DIS3L2: variants seen among roughly 807,000 people sequenced by gnomAD.
The protein encoded by DIS3L2 is DIS3 like 3'-5' exoribonuclease 2, also known as DIS3-like exonuclease 2.
In DIS3L2, 34 loss-of-function variants were observed where a neutral mutation model predicts 97.5. The ratio of observed to expected loss-of-function variants is 0.35; its 90% CI spans 0.27 to 0.46. The LOEUF is 0.46. Ranked by LOEUF, DIS3L2 falls within the 20% of genes least tolerant of loss-of-function variation. DIS3L2 has a pLI of 1.00. For synonymous variants in DIS3L2, 435 were observed against 445.2 expected, an observed-to-expected ratio of 0.98 and a Z score of 0.29; for missense variants, 1,038 against 1,146.0, an observed-to-expected ratio of 0.91 and a Z score of 1.36.
At chr2:232,042,240 G>T (rs1445604431) in intron 5 of DIS3L2, among the ~76,000 whole-genome samples, 6 of 151,964 alleles carry the variant, frequency 3.9e-5, no homozygotes, top group African/African-American at 1.5e-4. Context: ...CATGAAATTG[G>T]TCTAGTACAG....
intron 6 of DIS3L2, among the ~76,000 whole-genome samples, chr2:232,098,557 T>C (rs1697098937): frequency 6.6e-6 from 1 of 152,186 alleles, no homozygotes; most frequent in Admixed American, 6.5e-5. Flanking sequence ...TTTCACCATG[T>C]TGGCCAAGCT....
intron 5 of DIS3L2, among the ~76,000 whole-genome samples, chr2:232,082,137 T>C (rs970960147): frequency 2.3e-4 from 35 of 152,164 alleles, no homozygotes; most frequent in Admixed American, 2.2e-3. Flanking sequence ...GGTTAGAGAG[T>C]ACACAGGTTT....
At chr2:232,287,385 C>CCT (rs1694465032) in intron 13 of DIS3L2, among the ~76,000 whole-genome samples, 5 of 23,396 alleles carry the variant, frequency 2.1e-4, no homozygotes, top group South Asian at 3.0e-3. Flanking sequence ...TCCTTCCCCC[C>CCT]GCGCCCCCCC....
At chr2:232,330,057 A>T (rs1695691559) in intron 15 of DIS3L2, 61 bp downstream of exon 15, 5 of 1,546,736 alleles carry the variant, frequency 3.2e-6, no homozygotes, top group Non-Finnish European at 4.4e-6. Flanking sequence ...AAAGACCTGG[A>T]AGGTGGGGTG....
chr2:231,966,325 C>G (rs893058861), intron 1 of DIS3L2, among the ~76,000 whole-genome samples: 1 of 151,870 alleles, frequency 6.6e-6, no homozygotes, highest in African/African-American at 2.4e-5. Context: ...CACGCCACCA[C>G]GCCTGGCTAA....
intron 6 of DIS3L2, among the ~76,000 whole-genome samples, chr2:232,096,550 C>G (rs1275082951): frequency 6.6e-6 from 1 of 152,110 alleles, no homozygotes; most frequent in East Asian, 1.9e-4. Context: ...AAGCCAATAA[C>G]TCGTAGGTTT....
At chr2:232,069,504 T>A (rs1695950229) in intron 5 of DIS3L2, among the ~76,000 whole-genome samples, 1 of 152,188 alleles carries the variant, frequency 6.6e-6, no homozygotes, top group Middle Eastern at 3.2e-3. Context: ...TCTTTACTAG[T>A]GTTGAAAAAT....
In DIS3L2 at chr2:232,189,112, A is replaced by G. The variant is rs956721543; in HGVS notation, c.1125-21214A>G. On this transcript the variant is annotated intron_variant, in intron 9 of 20. Transcript: ENST00000325385. ...CAAGTGCTGGCGAGGGTGCAGAGAA[A>G]GTGGATCACTCAAACGTTGCCGGTG... 5.9e-5 allele frequency among the ~76,000 whole-genome samples: 9 copies of G among 152,350 alleles called. No homozygotes were observed. The South Asian group carries it at 8.3e-4, about 14-fold the overall frequency.
chr2:232,025,284 A>C (rs968230808), intron 4 of DIS3L2, among the ~76,000 whole-genome samples: 1 of 152,102 alleles, frequency 6.6e-6, no homozygotes, highest in Admixed American at 6.6e-5. Context: ...CTGAAATCCA[A>C]AATGCTCCAG....
intron 8 of DIS3L2, 153 bp downstream of exon 8, chr2:232,136,872 T>C (rs1448712554): frequency 1.1e-6 from 1 of 950,684 alleles, no homozygotes; most frequent in African/African-American, 1.7e-5. Context: ...AAGTCACTCT[T>C]AGCTGCCACC....
At chr2:232,019,309 T>C (rs1694445386) in intron 3 of DIS3L2, among the ~76,000 whole-genome samples, 1 of 152,144 alleles carries the variant, frequency 6.6e-6, no homozygotes, top group Admixed American at 6.5e-5. Context: ...CCCAGCACTT[T>C]AGAAGGCTAG....
At position 232,055,414 on chromosome 2, in the gene DIS3L2, T is replaced by C. The variant is rs140626202; in HGVS notation, c.366+25334T>C. On this transcript the variant is annotated intron_variant, in intron 5 of 20. Coordinates refer to ENST00000325385, the MANE Select transcript of DIS3L2 (RefSeq NM_152383.5). ...CAACAAAGAAAAAATGTTACCCTTA[T>C]GTTAGCATGTAAAAAAGAGTTTTCA... Among the ~76,000 whole-genome samples, 825 of 152,342 alleles carry C rather than the reference T, an allele frequency of 5.4e-3. 5 individuals carry two copies. Among genetic ancestry groups the C allele is most frequent in the African/African-American group, 0.017 (719 of 41,564 alleles).
chr2:232,110,403 T>C (rs1351302947), intron 6 of DIS3L2, among the ~76,000 whole-genome samples: 2 of 152,140 alleles, frequency 1.3e-5, no homozygotes, highest in Non-Finnish European at 2.9e-5. Context: ...CGTATGTTCA[T>C]TGGAGCACTA....
At chr2:232,332,838 C>A (rs1216585060) in intron 16 of DIS3L2, among the ~76,000 whole-genome samples, 5 of 152,284 alleles carry the variant, frequency 3.3e-5, no homozygotes, top group African/African-American at 1.2e-4. Context: ...TGGGCGGGAT[C>A]AGTGCCAGAG....
intron 9 of DIS3L2, among the ~76,000 whole-genome samples, chr2:232,207,412 A>C (rs1692058774): frequency 6.6e-6 from 1 of 152,184 alleles, no homozygotes; most frequent in Non-Finnish European, 1.5e-5. Flanking sequence ...AACATGTCTG[A>C]GGTGCAGCCT....
intron 10 of DIS3L2, among the ~76,000 whole-genome samples, chr2:232,218,286 T>A (rs1692400573): frequency 6.6e-6 from 1 of 152,154 alleles, no homozygotes; most frequent in Non-Finnish European, 1.5e-5. Context: ...CATGTGCACA[T>A]CACAGATAGT....
At chr2:232,170,170 T>TA (rs916043398) in intron 9 of DIS3L2, among the ~76,000 whole-genome samples, 1 of 152,142 alleles carries the variant, frequency 6.6e-6, no homozygotes, top group African/African-American at 2.4e-5. Flanking sequence ...GGAAACTGCT[T>TA]AAAGGGGGGT....
intron 6 of DIS3L2, among the ~76,000 whole-genome samples, chr2:232,112,791 G>A (rs994743601): frequency 2.6e-5 from 4 of 152,154 alleles, no homozygotes; most frequent in South Asian, 2.1e-4. Flanking sequence ...ATTCAGAGAG[G>A]AAGGGGGACA....
Position 232,204,564 on chromosome 2 carries a change from C to A in DIS3L2, c.1125-5762C>A, listed in dbSNP as rs140091877. 5.9e-5 allele frequency among the ~76,000 whole-genome samples: 9 copies of A among 152,162 alleles called. No homozygotes were observed. In the South Asian group the frequency reaches 1.2e-3, roughly 21 times the overall value. ...CTGGAGTCTCATTCTTTCCCTCCCC[C>A]ACCTGGCACTGTATTTTCTGCGGGT... On this transcript the variant is annotated intron_variant, in intron 9 of 20. Coordinates refer to ENST00000325385, the MANE Select transcript of DIS3L2 (RefSeq NM_152383.5).
Sources: gnomAD v4.1 joint callset for allele counts (sites outside exome capture counted in the v4.1 genomes callset) on GRCh38, gnomAD v4.1.1 for gene constraint, MANE v1.5 for transcripts, NCBI Gene and HGNC (gene_info 2026-07-23, HGNC 2026-07-21) for gene names.